Variants in SUCO observed in about 807,000 individuals in gnomAD.
SUCO encodes the protein SUN domain-containing ossification factor.
SUCO carries 57 observed loss-of-function variants against 148.1 expected under a neutral mutation model. The observed-to-expected ratio is 0.38, with a 90% CI of 0.31 to 0.48. SUCO has a LOEUF of 0.48. Ranked by LOEUF, SUCO falls within the 20% of genes least tolerant of loss-of-function variation. SUCO has a pLI of 0.96. For missense variants in SUCO, 1,331 were observed against 1,468.2 expected, an observed-to-expected ratio of 0.91 and a Z score of 1.53; for synonymous variants, 470 against 502.7, an observed-to-expected ratio of 0.93 and a Z score of 0.87.
At chr1:172,556,698 G>A (rs1461892696) in intron 4 of SUCO, 1 of 985,110 alleles carries the variant, frequency 1.0e-6, no homozygotes, top group Non-Finnish European at 1.2e-6. Context: ...TTAGAAGCTT[G>A]TCTCAGTATG....
Position 172,589,111 on chromosome 1 carries a change from G to T in SUCO, c.2010G>T (p.Ala670=). Residue 670 remains alanine (A), a synonymous_variant, in exon 18 of 24, where the codon GCG becomes GCT. Coordinates refer to ENST00000263688, the MANE Select transcript of SUCO (RefSeq NM_014283.5). ...CTCAACCACCCTTACTACTTCCTGC[G>T]GAATCAGTAGATGTTTCAGTATTGC... ...VLAQPPLLLP[A]ESVDVSVLQP... is the part of the protein sequence containing the mutation. 6.2e-7 allele frequency: 1 copy of T among 1,613,356 alleles called. No individual in the cohort carries two copies.
chr1:172,552,327 T>C (rs868757381), intron 2 of SUCO, among the ~76,000 whole-genome samples: 3 of 152,070 alleles, frequency 2.0e-5, no homozygotes, highest in South Asian at 2.1e-4. Flanking sequence ...CATGAAAATA[T>C]CATATAAATA....
At chr1:172,564,116 T>C (rs753341119) in intron 6 of SUCO, among the ~76,000 whole-genome samples, 1 of 152,252 alleles carries the variant, frequency 6.6e-6, no homozygotes, top group Non-Finnish European at 1.5e-5. Flanking sequence ...TGCAAATGTC[T>C]GGATGTCCAG....
rs183422546 is a variant in SUCO, at chr1:172,563,261, G to A, written c.732+5467G>A. Among the ~76,000 whole-genome samples the A allele has an allele frequency of 3.5e-3, 528 of 152,344 alleles. 7 individuals are homozygous for A. Among genetic ancestry groups the A allele is most frequent in the Non-Finnish European group, 2.0e-3 (135 of 68,026 alleles). The stretch of plus-strand genomic sequence containing the variant: ...CTTTGGAACTGGGAAATGGGCAGAG[G>A]TTGGACAGTTTGGAGGGCTCAGAAG... On this transcript the variant is annotated intron_variant, in intron 6 of 23. Coordinates refer to ENST00000263688, the MANE Select transcript of SUCO (RefSeq NM_014283.5).
Position 172,533,277 on chromosome 1 carries a change from G to A in SUCO, c.-159G>A, listed in dbSNP as rs776204847. 15 of 1,549,574 alleles carry A rather than the reference G, an allele frequency of 9.7e-6. No individual in the cohort carries two copies. In the Admixed American group the frequency reaches 1.2e-4, roughly 12 times the overall value. The stretch of plus-strand genomic sequence containing the variant: ...GTGGGGCCCTCAGAGAGGGCTGCCA[G>A]GACGCGAGCCACTGAGGAGCCGCTC... On this transcript the variant is annotated 5_prime_UTR_variant, in exon 1 of 24. Transcript: ENST00000263688.
intron 23 of SUCO, chr1:172,609,164 A>G: frequency 2.7e-6 from 2 of 753,964 alleles, no homozygotes; most frequent in Non-Finnish European, 3.2e-6. Context: ...CCAAGCACAG[A>G]GCATGCACCG....
At chr1:172,541,133 C>G (rs1652423434) in intron 1 of SUCO, among the ~76,000 whole-genome samples, 1 of 151,838 alleles carries the variant, frequency 6.6e-6, no homozygotes, top group Admixed American at 6.6e-5. Flanking sequence ...AATAAAAATA[C>G]AAATAAAAAC....
chr1:172,575,740 A>T, intron 11 of SUCO, 117 bp downstream of exon 11: 1 of 560,548 alleles, frequency 1.8e-6, no homozygotes, highest in South Asian at 2.7e-5. Context: ...ACACTATACC[A>T]CTTAATAGAT....
chr1:172,596,832 T>C (rs1215598627), intron 19 of SUCO, among the ~76,000 whole-genome samples: 1 of 152,230 alleles, frequency 6.6e-6, no homozygotes, highest in South Asian at 2.1e-4. Flanking sequence ...CGGGGACGTT[T>C]AAGTCTGCAG....
chr1:172,589,436 C>G lies in SUCO; in HGVS notation c.2335C>G (p.Gln779Glu). ...TGTTGAGATCGATAATGAAACAGAA[C>G]AAAAGTCTGAGAGCTTTAGTTCTAT... Reference protein sequence around the residue: ...SSVEIDNETEQKSESFSSIEK... With the variant: ...SSVEIDNETEEKSESFSSIEK... The change falls in exon 18 of 24, where the codon CAA (glutamine) becomes GAA (glutamate). Residue 779 changes from glutamine to glutamate, a missense_variant. By Grantham distance (29) the Gln-to-Glu change is conservative. This residue lies in a region of SUCO where 992 missense variants were observed against 1,093.5 expected (regional missense o/e 0.91). Transcript: ENST00000263688. 6.2e-7 allele frequency: 1 copy of G among 1,612,810 alleles called. No homozygotes were observed. Among genetic ancestry groups the G allele is most frequent in the Non-Finnish European group, 8.5e-7 (1 of 1,179,590 alleles).
chr1:172,532,756 T>G, upstream of SUCO: 4 of 1,613,202 alleles, frequency 2.5e-6, no homozygotes, highest in Non-Finnish European at 3.4e-6. Context: ...AAACTACAAC[T>G]CCCAAAGGCC....
intron 6 of SUCO, among the ~76,000 whole-genome samples, chr1:172,562,070 TA>T (rs1037615788): frequency 6.6e-6 from 1 of 151,676 alleles, no homozygotes; most frequent in Non-Finnish European, 1.5e-5. Flanking sequence ...TACACATCAA[TA>T]AAAAAACAAC....
At chr1:172,598,791 C>T (rs1434121513) in intron 19 of SUCO, among the ~76,000 whole-genome samples, 1 of 152,134 alleles carries the variant, frequency 6.6e-6, no homozygotes, top group Admixed American at 6.5e-5. Context: ...GTCTTGAATT[C>T]ATCAGAGTCA....
At chr1:172,585,999 G>A in intron 17 of SUCO, 51 bp downstream of exon 17, 1 of 1,149,890 alleles carries the variant, frequency 8.7e-7, no homozygotes, top group Admixed American at 2.3e-5. Flanking sequence ...GGAGAGATAA[G>A]TATATTAGTA....
intron 2 of SUCO, chr1:172,552,540 C>T (rs753496620): frequency 1.6e-4 from 105 of 672,108 alleles, no homozygotes; most frequent in Middle Eastern, 7.5e-4. Flanking sequence ...CTTACAATTA[C>T]ATACTTGAGG....
intron 19 of SUCO, among the ~76,000 whole-genome samples, chr1:172,592,210 C>G (rs1656725517): frequency 6.6e-6 from 1 of 152,150 alleles, no homozygotes; most frequent in Non-Finnish European, 1.5e-5. Context: ...CAAAAATTTT[C>G]TCCCATTCTG....
intron 10 of SUCO, 32 bp from the exon 11 acceptor site, chr1:172,575,486 T>C (rs1210407444): frequency 6.7e-7 from 1 of 1,481,530 alleles, no homozygotes; most frequent in South Asian, 1.2e-5. Flanking sequence ...TTTATAATTT[T>C]TAAAAAAGAA....
intron 6 of SUCO, among the ~76,000 whole-genome samples, chr1:172,563,960 G>A (rs1252558651): frequency 6.6e-6 from 1 of 152,252 alleles, no homozygotes; most frequent in Non-Finnish European, 1.5e-5. Flanking sequence ...AGCTGTGGTT[G>A]AAAGGGGCAA....
intron 11 of SUCO, 26 bp from the exon 12 acceptor site, chr1:172,577,507 ATTTCTT>A (rs1655534555): frequency 1.9e-6 from 3 of 1,604,260 alleles, no homozygotes; most frequent in African/African-American, 1.3e-5. Context: ...TTTGGAACTG[ATTTCTT>A]TTTCTTTTCC....
Sources: allele counts gnomAD v4.1 joint callset (sites outside exome capture counted in the v4.1 genomes callset), GRCh38; gene constraint gnomAD v4.1.1; regional missense constraint gnomAD v4.1.1; transcripts MANE v1.5; gene names NCBI Gene and HGNC (gene_info 2026-07-23, HGNC 2026-07-21).